CASKIN2: variants seen among roughly 807,000 people sequenced by gnomAD.
The protein encoded by CASKIN2 is CASK interacting protein 2, also known as caskin-2.
Under a neutral mutation model 107.1 loss-of-function variants are expected in CASKIN2, and 41 were observed. That is an observed-to-expected ratio of 0.38 (90% CI 0.30 to 0.50). CASKIN2 has a LOEUF of 0.50. Ranked by LOEUF, CASKIN2 falls within the 20% of genes least tolerant of loss-of-function variation. The probability of loss-of-function intolerance (pLI) is 0.92; values close to 1 mark genes in which losing one functional copy is unlikely to be tolerated. For missense variants in CASKIN2, 1,546 were observed against 1,657.4 expected (o/e 0.93, Z 1.17); for synonymous variants, 724 against 705.6 (o/e 1.03, Z -0.41).
chr17:75,513,229 C>T (rs1271317248), intron 2 of CASKIN2, among the ~76,000 whole-genome samples: 1 of 152,006 alleles, frequency 6.6e-6, no homozygotes, highest in Non-Finnish European at 1.5e-5. Flanking sequence ...CACTTGAGGT[C>T]TGGAGTTCGA....
chr17:75,512,846 G>A (rs1004718780), intron 2 of CASKIN2, among the ~76,000 whole-genome samples: 1 of 151,260 alleles, frequency 6.6e-6, no homozygotes, highest in Non-Finnish European at 1.5e-5. Context: ...GCTGCAGTGC[G>A]CTGAGATCAT....
At position 75,500,955 on chromosome 17, in the gene CASKIN2, C is replaced by A; in HGVS notation, c.*125G>T. Reference sequence around the variant, plus strand: ...CAGCCGCGGGCTGAGTGGGAAGGGGCCCTGCTAGGAGGGGCACTTCAGCCT... The same window carrying A: ...CAGCCGCGGGCTGAGTGGGAAGGGGACCTGCTAGGAGGGGCACTTCAGCCT... On this transcript the variant is annotated 3_prime_UTR_variant, in exon 20 of 20. Transcript: ENST00000321617. The A allele has an allele frequency of 1.1e-6, 1 of 891,464 alleles. No homozygotes were observed. The highest frequency in any genetic ancestry group is 1.7e-6 in the Non-Finnish European group (1 of 574,480). 55.2% of individuals were successfully genotyped at this position (891,464 alleles called of 1,614,324 possible).
At position 75,504,587 on chromosome 17, in the gene CASKIN2, C is replaced by T; in HGVS notation, c.1299G>A (p.Leu433=). Residue 433 remains leucine (L), a synonymous_variant, in exon 12 of 20, where the codon CTG becomes CTA. Coordinates refer to ENST00000321617, the MANE Select transcript of CASKIN2 (RefSeq NM_020753.5). ...EGTNGHGPGL[L]IENAQPLPSA... The stretch of plus-strand genomic sequence containing the variant: ...ATCATCCTACCTGGGCGTTCTCAAT[C>T]AGGAGGCCAGGGCCATGGCCATTAG... The T allele has an allele frequency of 1.2e-6, 2 of 1,601,238 alleles. No individual in the cohort carries two copies. The highest frequency in any genetic ancestry group is 2.2e-5 in the East Asian group (1 of 44,542).
At chr17:75,513,519 C>G (rs1199850045) in intron 2 of CASKIN2, among the ~76,000 whole-genome samples, 192 bp downstream of exon 2, 1 of 152,182 alleles carries the variant, frequency 6.6e-6, no homozygotes, top group Non-Finnish European at 1.5e-5. Flanking sequence ...GGTTAAGTGA[C>G]TTGCCTAAGG....
chr17:75,511,031 A>G (rs1747823936), intron 2 of CASKIN2, among the ~76,000 whole-genome samples: 1 of 148,888 alleles, frequency 6.7e-6, no homozygotes, highest in African/African-American at 2.5e-5. Flanking sequence ...GCTGGGCAAC[A>G]TAGCGAGACC....
In CASKIN2 at chr17:75,501,042, T is replaced by C. The variant is rs777415128; in HGVS notation, c.*38A>G. On this transcript the variant is annotated 3_prime_UTR_variant, in exon 20 of 20. Transcript: ENST00000321617. ...CTCTTCTGTGCTGGGGCAAAGGCAG[T>C]GGACTTCGGCAGGTCACAGTGGGCA... The C allele has an allele frequency of 6.5e-6, 10 of 1,541,446 alleles. No individual in the cohort carries two copies. Among genetic ancestry groups the C allele is most frequent in the Non-Finnish European group, 7.9e-6 (9 of 1,139,190 alleles).
At position 75,502,483 on chromosome 17, in the gene CASKIN2, C is replaced by T. The variant is rs765507430; in HGVS notation, c.2591G>A (p.Arg864Gln). ...PRSQSFALRA[R>Q]RKGPPPPPPK... ...GGGCGGGGGCGGGGGGCCTTTGCGCCGGGCCCGCAGGGCAAAGGACTGGCT... is the reference window on the plus strand; with the variant it reads ...GGGCGGGGGCGGGGGGCCTTTGCGCTGGGCCCGCAGGGCAAAGGACTGGCT... Residue 864 changes from arginine (R) to glutamine (Q), a missense_variant, in exon 18 of 20, where the codon CGG becomes CAG. Physicochemically the swap from Arg to Gln is conservative, Grantham distance 43. Around this residue, in one of 6 missense-constraint regions of CASKIN2, gnomAD observed 1,311 missense variants for 1,311.0 expected, o/e 1.00. Transcript: ENST00000321617. This position sits in a 1 kb window ranked among gnomAD's most constrained non-coding sequence, Gnocchi z 4.3. The T allele has an allele frequency of 1.0e-5, 15 of 1,450,628 alleles. No homozygotes were observed. The highest frequency in any genetic ancestry group is 2.8e-5 in the Admixed American group (1 of 35,888). 89.9% of individuals were successfully genotyped at this position (1,450,628 alleles called of 1,614,324 possible).
rs965378444 is a variant in CASKIN2, at chr17:75,505,149, C to T, written c.931-76G>A. ...TGGCAAACGGTTGTCCCTGCAGCTG[C>T]GGTCCGGCAACCCTGGTCCAGCTCT... On this transcript the variant is annotated intron_variant, in intron 10 of 19. Coordinates refer to ENST00000321617, the MANE Select transcript of CASKIN2 (RefSeq NM_020753.5). This position sits in a 1 kb window ranked among gnomAD's most constrained non-coding sequence, Gnocchi z 5.1. 8.0e-6 allele frequency: 12 copies of T among 1,501,912 alleles called. No homozygotes were observed. Among genetic ancestry groups the T allele is most frequent in the African/African-American group, 4.1e-5 (3 of 73,010 alleles). 93.0% of individuals were successfully genotyped at this position (1,501,912 alleles called of 1,614,324 possible). A position where few individuals can be genotyped will look rare whatever the true frequency, so the allele number is the denominator to read the frequency against.
Position 75,501,580 on chromosome 17 carries a change from T to C in CASKIN2, c.3406A>G (p.Thr1136Ala), listed in dbSNP as rs1467155943. 2 of 1,610,158 alleles carry C rather than the reference T, an allele frequency of 1.2e-6. No homozygotes were observed. The highest frequency in any genetic ancestry group is 1.7e-6 in the Non-Finnish European group (2 of 1,178,078). ...GCCTGGCCTGGGCCCACAGTCCCAG[T>C]GCTCTCAGGCCGTGGAGGAGGCACT... is the stretch of plus-strand genomic sequence containing the variant. ...RPVPPPRPES[T>A]GTVGPGQAQQ... The change falls in exon 19 of 20, where the codon ACT (threonine) becomes GCT (alanine). Residue 1136 changes from threonine to alanine, a missense_variant. Physicochemically the swap from Thr to Ala is moderately conservative, Grantham distance 58. Around this residue, in one of 6 missense-constraint regions of CASKIN2, gnomAD observed 1,311 missense variants for 1,311.0 expected, o/e 1.00. Transcript: ENST00000321617.
intron 1 of CASKIN2, among the ~76,000 whole-genome samples, chr17:75,514,883 G>T (rs992158400): frequency 6.6e-6 from 1 of 152,140 alleles, no homozygotes; most frequent in African/African-American, 2.4e-5. Context: ...GCTGACAAAC[G>T]GGGCTCCCAA....
intron 19 of CASKIN2, 132 bp downstream of exon 19, chr17:75,501,336 T>C (rs8081354): frequency 0.87 from 1,089,977 of 1,245,894 alleles, 482,391 homozygotes; most frequent in Middle Eastern, 0.92. Context: ...CTAGGTGATT[T>C]CAACACCTGG....
chr17:75,506,942 C>T lies in CASKIN2; in HGVS notation c.390+42G>A, dbSNP rs2053271986. 6.2e-7 allele frequency: 1 copy of T among 1,611,974 alleles called. No homozygotes were observed. The highest frequency in any genetic ancestry group is 1.3e-5 in the African/African-American group (1 of 75,014). On this transcript the variant is annotated intron_variant, in intron 5 of 19. Transcript: ENST00000321617. The surrounding 1 kb of genome is among the most constrained non-coding windows in gnomAD (Gnocchi z 4.8). ...AGGGGGCCTGGCCTGTCCGGCACCC[C>T]ACCCTGCCCTGCGCCACGCCCCTGT... is the stretch of plus-strand genomic sequence containing the variant.
At position 75,505,276 on chromosome 17, in the gene CASKIN2, C is replaced by T; in HGVS notation, c.931-203G>A. On this transcript the variant is annotated intron_variant, in intron 10 of 19. Coordinates refer to ENST00000321617, the MANE Select transcript of CASKIN2 (RefSeq NM_020753.5). This position sits in a 1 kb window ranked among gnomAD's most constrained non-coding sequence, Gnocchi z 5.1. ...ATCTCCCCTGTGCCTCCAGGGCGAG[C>T]CCCAGTGGCAGCCCGTGGTCAAATC... 1 of 661,454 alleles carries T rather than the reference C, an allele frequency of 1.5e-6. No homozygotes were observed. Among genetic ancestry groups the T allele is most frequent in the Non-Finnish European group, 2.6e-6 (1 of 389,352 alleles). The allele number at this position is 661,454 out of a possible 1,614,324, so 41.0% of individuals were successfully genotyped here.
chr17:75,502,472 G>C lies in CASKIN2; in HGVS notation c.2602C>G (p.Pro868Ala). 6.9e-7 allele frequency: 1 copy of C among 1,450,818 alleles called. No homozygotes were observed. The highest frequency in any genetic ancestry group is 9.1e-7 in the Non-Finnish European group (1 of 1,097,494). The allele number at this position is 1,450,818 out of a possible 1,614,324, so 89.9% of individuals were successfully genotyped here. A position where few individuals can be genotyped will look rare whatever the true frequency, so the allele number is the denominator to read the frequency against. The change falls in exon 18 of 20, where the codon CCC becomes GCC. Residue 868 changes from proline (P) to alanine (A), a missense_variant. This residue lies in a region of CASKIN2 where 1,311 missense variants were observed against 1,311.0 expected (regional missense o/e 1.00). Transcript: ENST00000321617. This position sits in a 1 kb window ranked among gnomAD's most constrained non-coding sequence, Gnocchi z 4.3. ...AGGCGCTTGGGGGGCGGGGGCGGGG[G>C]GCCTTTGCGCCGGGCCCGCAGGGCA... ...SFALRARRKG[P>A]PPPPPKRLSS...
At position 75,502,686 on chromosome 17, in the gene CASKIN2, G is replaced by C; in HGVS notation, c.2388C>G (p.Arg796=). Residue 796 remains arginine, a synonymous_variant, in exon 18 of 20, where the codon CGC becomes CGG. Transcript: ENST00000321617. This position sits in a 1 kb window ranked among gnomAD's most constrained non-coding sequence, Gnocchi z 4.3. ...CAGGGCGGCTTAGGCTGTGGGACCG[G>C]CGCTTAGGTCGAGGCGGGTCTGGGG... ...ATPPDPPRPK[R]RSHSLSRPGP... 1 of 1,600,530 alleles carries C rather than the reference G, an allele frequency of 6.2e-7. No individual in the cohort carries two copies. The highest frequency in any genetic ancestry group is 1.3e-5 in the African/African-American group (1 of 74,756).
At chr17:75,509,112 A>G (rs2053295211) in intron 2 of CASKIN2, among the ~76,000 whole-genome samples, 1 of 152,234 alleles carries the variant, frequency 6.6e-6, no homozygotes, top group East Asian at 1.9e-4. Context: ...CATGCCCTGG[A>G]CAAGGACTCT....
chr17:75,501,437 C>T (rs1333986842), intron 19 of CASKIN2, 31 bp downstream of exon 19: 3 of 1,585,200 alleles, frequency 1.9e-6, no homozygotes, highest in African/African-American at 2.7e-5. Context: ...TCTCTGCAGC[C>T]TTCTCTCCCT....
rs1180326598 is a variant in CASKIN2, at chr17:75,504,028, G to A, written c.1468-66C>T. ...ACCAAGGCCCTAGCCCCCACCAGGG[G>A]CTCAGGACCTGCCTGAGCGGGGCTT... is the stretch of plus-strand genomic sequence containing the variant. On this transcript the variant is annotated intron_variant, in intron 14 of 19. Coordinates refer to ENST00000321617, the MANE Select transcript of CASKIN2 (RefSeq NM_020753.5). The A allele has an allele frequency of 7.6e-6, 11 of 1,440,974 alleles. No homozygotes were observed. The East Asian group carries it at 1.9e-4, about 25-fold the overall frequency. The allele number at this position is 1,440,974 out of a possible 1,614,324, so 89.3% of individuals were successfully genotyped here. A position where few individuals can be genotyped will look rare whatever the true frequency, so the allele number is the denominator to read the frequency against.
chr17:75,504,262 G>T lies in CASKIN2; in HGVS notation c.1420C>A (p.Gln474Lys). Residue 474 changes from glutamine (Q) to lysine (K), a missense_variant, in exon 14 of 20, where the codon CAG (glutamine) becomes AAG (lysine). Gln to Lys is a moderately conservative substitution (Grantham distance 53). Transcript: ENST00000321617. ...RPLANCRSGE[Q>K]IFTQDVRPEQ... ...GGCCGCACGTCCTGGGTGAAGATCT[G>T]CTCCCCAGAGCGGCAGTTGGCCAGA... 3 of 1,605,742 alleles carry T rather than the reference G, an allele frequency of 1.9e-6. No homozygotes were observed. Among genetic ancestry groups the T allele is most frequent in the Non-Finnish European group, 2.5e-6 (3 of 1,176,848 alleles).
Sources: allele counts gnomAD v4.1 joint callset (sites outside exome capture counted in the v4.1 genomes callset), GRCh38; gene constraint gnomAD v4.1.1; regional missense constraint gnomAD v4.1.1; non-coding constraint Gnocchi (gnomAD v3.1); transcripts MANE v1.5; gene names NCBI Gene and HGNC (gene_info 2026-07-23, HGNC 2026-07-21).